Variants in EPB41 observed in about 807,000 individuals in gnomAD.
EPB41 encodes the protein erythrocyte membrane protein band 4.1.
A neutral mutation model predicts 108.0 loss-of-function variants in EPB41; 65 were observed. The observed-to-expected ratio is 0.60, with a 90% CI of 0.49 to 0.74. The LOEUF (loss-of-function observed/expected upper bound fraction) is 0.74, where lower values mean the gene tolerates loss of function less well. Ranked by LOEUF, EPB41 falls within the 30% of genes least tolerant of loss-of-function variation. The probability of loss-of-function intolerance (pLI) is 0.00; values close to 1 mark genes in which losing one functional copy is unlikely to be tolerated. For synonymous variants in EPB41, 336 were observed against 358.9 expected, an observed-to-expected ratio of 0.94 and a Z score of 0.72; for missense variants, 875 against 1,037.0, an observed-to-expected ratio of 0.84 and a Z score of 2.15.
intron 16 of EPB41, chr1:29,096,499 T>A (rs1663264152): frequency 1.0e-6 from 1 of 985,422 alleles, no homozygotes; most frequent in South Asian, 4.7e-5. Flanking sequence ...AGGCAGAGAG[T>A]AGTGAAGAAC....
intron 7 of EPB41, among the ~76,000 whole-genome samples, chr1:29,023,472 G>A (rs2096673134): frequency 6.6e-6 from 1 of 151,692 alleles, no homozygotes; most frequent in African/African-American, 2.4e-5. Flanking sequence ...CAGATCACCT[G>A]AGGTCGGGAG....
chr1:29,041,998 C>T (rs1019994001), intron 11 of EPB41, among the ~76,000 whole-genome samples: 1 of 152,162 alleles, frequency 6.6e-6, no homozygotes, highest in African/African-American at 2.4e-5. Flanking sequence ...TGCTGTTTTT[C>T]TGGCTGTAAC....
chr1:29,090,400 A>C (rs750575922), intron 16 of EPB41, among the ~76,000 whole-genome samples: 2 of 152,202 alleles, frequency 1.3e-5, no homozygotes, highest in African/African-American at 2.4e-5. Context: ...TGATTCTCAG[A>C]ATTCTGGCAT....
chr1:28,992,712 G>C (rs1282598740), intron 2 of EPB41, among the ~76,000 whole-genome samples: 3 of 152,042 alleles, frequency 2.0e-5, no homozygotes, highest in Non-Finnish European at 4.4e-5. Context: ...TACCAAAAAT[G>C]TTATCCTACT....
chr1:29,111,127 A>G (rs997483922), intron 18 of EPB41, among the ~76,000 whole-genome samples: 3 of 151,908 alleles, frequency 2.0e-5, no homozygotes, highest in Non-Finnish European at 4.4e-5. Context: ...AGATCATGCC[A>G]CTGCACTCTA....
At chr1:29,025,405 A>G (rs1220773877) in intron 7 of EPB41, among the ~76,000 whole-genome samples, 3 of 151,810 alleles carry the variant, frequency 2.0e-5, no homozygotes, top group Admixed American at 6.6e-5. Context: ...CTTCCTGGTC[A>G]GGTACTTTTG....
intron 16 of EPB41, among the ~76,000 whole-genome samples, chr1:29,086,040 A>AT (rs982990959): frequency 2.6e-4 from 40 of 152,242 alleles, no homozygotes; most frequent in African/African-American, 8.7e-4. Context: ...GATGTTAAGG[A>AT]TTTTTTAGCA....
chr1:28,891,894 C>T (rs376186084), intron 1 of EPB41, among the ~76,000 whole-genome samples: 1 of 151,906 alleles, frequency 6.6e-6, no homozygotes, highest in Non-Finnish European at 1.5e-5. Context: ...TTCGACACAG[C>T]CTGGCTAACA....
At chr1:29,047,446 G>T (rs573245718) in intron 11 of EPB41, among the ~76,000 whole-genome samples, 70 of 148,536 alleles carry the variant, frequency 4.7e-4, no homozygotes, top group African/African-American at 1.7e-3. Context: ...TAGAGACAAG[G>T]TCTTACTGTG....
intron 1 of EPB41, among the ~76,000 whole-genome samples, chr1:28,906,837 G>A (rs2091871729): frequency 6.7e-6 from 1 of 149,046 alleles, no homozygotes; most frequent in East Asian, 2.0e-4. Context: ...GTGCAGTAGT[G>A]CGATCTCAGC....
At chr1:28,932,166 A>G (rs2093783872) in intron 1 of EPB41, among the ~76,000 whole-genome samples, 1 of 152,156 alleles carries the variant, frequency 6.6e-6, no homozygotes, top group Non-Finnish European at 1.5e-5. Flanking sequence ...TCTGTTGCCC[A>G]GGCTGGAGTG....
chr1:29,040,793 A>G (rs1298619634), intron 11 of EPB41, among the ~76,000 whole-genome samples: 1 of 152,184 alleles, frequency 6.6e-6, no homozygotes, highest in Non-Finnish European at 1.5e-5. Flanking sequence ...GAAACGAGGT[A>G]ATAAGCTACA....
intron 1 of EPB41, among the ~76,000 whole-genome samples, chr1:28,964,512 A>C (rs2095310638): frequency 6.6e-6 from 1 of 152,030 alleles, no homozygotes; most frequent in Non-Finnish European, 1.5e-5. Context: ...GAGGCAGGAG[A>C]ATCACTTGAA....
chr1:28,887,618 A>G lies in EPB41; in HGVS notation c.-8+408A>G, dbSNP rs1160486983. ...CCCCGCATGCTCCTGCCGGGCCCGC[A>G]GCAGCGCTGGAGCGGGCTGGCGGCT... On this transcript the variant is annotated intron_variant, in intron 1 of 16. Transcript: ENST00000347529. This position sits in a 1 kb window ranked among gnomAD's most constrained non-coding sequence, Gnocchi z 4.9. 1 of 984,982 alleles carries G rather than the reference A, an allele frequency of 1.0e-6. No homozygotes were observed. Among genetic ancestry groups the G allele is most frequent in the African/African-American group, 1.7e-5 (1 of 57,168 alleles). 61.0% of individuals were successfully genotyped at this position (984,982 alleles called of 1,614,324 possible).
At chr1:29,049,321 A>G (rs892868225) in intron 11 of EPB41, among the ~76,000 whole-genome samples, 1 of 152,210 alleles carries the variant, frequency 6.6e-6, no homozygotes, top group African/African-American at 2.4e-5. Flanking sequence ...TTTAGGAATT[A>G]CAGTTTTACT....
At chr1:28,888,140 C>T (rs572934380) in intron 1 of EPB41, among the ~76,000 whole-genome samples, 2 of 152,196 alleles carry the variant, frequency 1.3e-5, no homozygotes, top group South Asian at 2.1e-4. Flanking sequence ...TTCTAGGACC[C>T]TTAGCTCCTG....
chr1:28,957,331 C>A (rs2094995623), intron 1 of EPB41, among the ~76,000 whole-genome samples: 1 of 152,188 alleles, frequency 6.6e-6, no homozygotes, highest in South Asian at 2.1e-4. Context: ...ATTTTTCCTC[C>A]ACTATATGTA....
chr1:28,966,435 T>C (rs944095631), intron 1 of EPB41, among the ~76,000 whole-genome samples: 4 of 152,220 alleles, frequency 2.6e-5, no homozygotes, highest in African/African-American at 9.6e-5. Context: ...GTTCAACTCA[T>C]ATTTTTTGGT....
At chr1:28,986,505 C>T (rs1446713884) in intron 1 of EPB41, among the ~76,000 whole-genome samples, 1 of 152,150 alleles carries the variant, frequency 6.6e-6, no homozygotes, top group Admixed American at 6.5e-5. Context: ...ACGAGTGAAT[C>T]AACACTTGCT....
Sources: allele counts gnomAD v4.1 joint callset (sites outside exome capture counted in the v4.1 genomes callset), GRCh38; gene constraint gnomAD v4.1.1; non-coding constraint Gnocchi (gnomAD v3.1); transcripts MANE v1.5; gene names NCBI Gene and HGNC (gene_info 2026-07-23, HGNC 2026-07-21).